The following GALNT18 variants were observed in gnomAD, a reference collection of about 807,000 sequenced individuals.
GALNT18 encodes GalNAc-transferase 18.
Under a neutral mutation model 69.5 loss-of-function variants are expected in GALNT18, and 44 were observed. The ratio of observed to expected loss-of-function variants is 0.63; its 90% confidence interval spans 0.50 to 0.81. The LOEUF (loss-of-function observed/expected upper bound fraction) is 0.81, where lower values mean the gene tolerates loss of function less well. GALNT18 is among the 40% of genes least tolerant of loss of function. The probability of loss-of-function intolerance (pLI) is 0.00; values close to 1 mark genes in which losing one functional copy is unlikely to be tolerated. For synonymous variants in GALNT18, 364 were observed against 318.2 expected (o/e 1.14, Z -1.53); for missense variants, 715 against 810.0 (o/e 0.88, Z 1.42).
intron 1 of GALNT18, among the ~76,000 whole-genome samples, chr11:11,473,737 A>T (rs7395203): frequency 6.6e-6 from 1 of 152,214 alleles, no homozygotes; most frequent in African/African-American, 2.4e-5. Flanking sequence ...CACCTATTGC[A>T]TGTCAGGCAC....
chr11:11,333,075 T>C (rs1319597386), intron 7 of GALNT18, among the ~76,000 whole-genome samples: 1 of 134,716 alleles, frequency 7.4e-6, no homozygotes, highest in African/African-American at 2.7e-5. Context: ...AAAAAAAAGA[T>C]GCCAAATCCT....
intron 1 of GALNT18, among the ~76,000 whole-genome samples, chr11:11,561,390 T>C (rs1858502367): frequency 6.6e-6 from 1 of 151,992 alleles, no homozygotes; most frequent in African/African-American, 2.4e-5. Flanking sequence ...TGAAATCATA[T>C]AATTTTGGAT....
rs186697756 is a variant in GALNT18, at chr11:11,566,011, G to C, written c.235+55348C>G. 2.0e-4 allele frequency among the ~76,000 whole-genome samples: 30 copies of C among 152,302 alleles called. No homozygotes were observed. The East Asian group carries it at 5.4e-3, about 27-fold the overall frequency. ...TAGAGCTGGGACCTTACAGGGAATT[G>C]ATGAGAGATATGGATGGAGCATGCA... On this transcript the variant is annotated intron_variant, in intron 1 of 10. Coordinates refer to ENST00000227756, the MANE Select transcript of GALNT18 (RefSeq NM_198516.3).
intron 1 of GALNT18, among the ~76,000 whole-genome samples, chr11:11,531,693 A>C (rs1857652335): frequency 2.0e-5 from 3 of 151,966 alleles, no homozygotes; most frequent in Admixed American, 2.0e-4. Context: ...TCTGGTTCCT[A>C]CCCTACCCTG....
chr11:11,548,013 G>A (rs1858101557), intron 1 of GALNT18, among the ~76,000 whole-genome samples: 1 of 152,146 alleles, frequency 6.6e-6, no homozygotes, highest in Admixed American at 6.5e-5. Flanking sequence ...CCTATCTTCT[G>A]ACTCTGAATT....
At chr11:11,280,946 C>T (rs1314633421) in intron 10 of GALNT18, among the ~76,000 whole-genome samples, 1 of 152,326 alleles carries the variant, frequency 6.6e-6, no homozygotes, top group Admixed American at 6.5e-5. Context: ...GACCATTGCT[C>T]CATGGCCCAC....
At chr11:11,537,548 T>A (rs115793748) in intron 1 of GALNT18, among the ~76,000 whole-genome samples, 1 of 152,246 alleles carries the variant, frequency 6.6e-6, no homozygotes, top group African/African-American at 2.4e-5. Flanking sequence ...GGAGCTTCAC[T>A]GAAGACTACA....
chr11:11,537,009 C>G (rs1488033077), intron 1 of GALNT18, among the ~76,000 whole-genome samples: 3 of 152,244 alleles, frequency 2.0e-5, no homozygotes, highest in Non-Finnish European at 4.4e-5. Context: ...CATTTTTACT[C>G]TGCACAGTGA....
At chr11:11,482,238 G>A (rs560693507) in intron 1 of GALNT18, among the ~76,000 whole-genome samples, 14 of 152,358 alleles carry the variant, frequency 9.2e-5, no homozygotes, top group African/African-American at 1.4e-4. Flanking sequence ...ATGTGCAGTC[G>A]GAGGGGCCTG....
At position 11,469,026 on chromosome 11, in the gene GALNT18, G is replaced by T. The variant is rs1419327473; in HGVS notation, c.236-20090C>A. ...AGATGGCCATACAGCGGTTGCCAGG[G>T]TTTGGTAGGGACAGTGTGTTGGGCA... is the stretch of plus-strand genomic sequence containing the variant. On this transcript the variant is annotated intron_variant, in intron 1 of 10. Transcript: ENST00000227756. This position sits in a 1 kb window ranked among gnomAD's most constrained non-coding sequence, Gnocchi z 4.2. Among the ~76,000 whole-genome samples the T allele has an allele frequency of 6.6e-6, 1 of 152,208 alleles. No homozygotes were observed. Among genetic ancestry groups the T allele is most frequent in the African/African-American group, 2.4e-5 (1 of 41,452 alleles).
Position 11,402,061 on chromosome 11 carries a change from G to A in GALNT18, c.596-22797C>T, listed in dbSNP as rs973115369. On this transcript the variant is annotated intron_variant, in intron 3 of 10. Coordinates refer to ENST00000227756, the MANE Select transcript of GALNT18 (RefSeq NM_198516.3). The surrounding 1 kb of genome is among the most constrained non-coding windows in gnomAD (Gnocchi z 4.0). ...GGAATAGTATGTACCAAAGCAAGAA[G>A]AGATGAAGTAGGCTTACATATTATT... Among the ~76,000 whole-genome samples the A allele has an allele frequency of 3.9e-5, 6 of 152,258 alleles. No homozygotes were observed. The highest frequency in any genetic ancestry group is 5.9e-5 in the Non-Finnish European group (4 of 68,052).
At chr11:11,425,774 A>G (rs550341251) in intron 3 of GALNT18, among the ~76,000 whole-genome samples, 2 of 152,208 alleles carry the variant, frequency 1.3e-5, no homozygotes, top group Admixed American at 6.5e-5. Flanking sequence ...CAAGCCCCCA[A>G]AGTGCTTAGC....
rs1027284883 is a variant in GALNT18 at position 11,465,488 on chromosome 11, T to A, written c.236-16552A>T. 6.6e-6 allele frequency among the ~76,000 whole-genome samples: 1 copy of A among 152,102 alleles called. No homozygotes were observed. The highest frequency in any genetic ancestry group is 1.5e-5 in the Non-Finnish European group (1 of 68,014). ...CTGATCCTGGGGCTCGTGATCCGTATCCATGGCAGCTCAGTAGCCACAGAA... is the reference window on the plus strand; with the variant it reads ...CTGATCCTGGGGCTCGTGATCCGTAACCATGGCAGCTCAGTAGCCACAGAA... On this transcript the variant is annotated intron_variant, in intron 1 of 10. Transcript: ENST00000227756. This position sits in a 1 kb window ranked among gnomAD's most constrained non-coding sequence, Gnocchi z 5.7.
rs1004355535 is a variant in GALNT18, at chr11:11,318,201, T to C, written c.1512+8885A>G. Among the ~76,000 whole-genome samples, 1 of 152,190 alleles carries C rather than the reference T, an allele frequency of 6.6e-6. No individual in the cohort carries two copies. The highest frequency in any genetic ancestry group is 1.5e-5 in the Non-Finnish European group (1 of 68,040). On this transcript the variant is annotated intron_variant, in intron 9 of 10. Transcript: ENST00000227756. The surrounding 1 kb of genome is among the most constrained non-coding windows in gnomAD (Gnocchi z 5.1). ...AGGTTTCCATTTCCACTCTTCCCAT[T>C]TGGAGGTGAACTGGGTTGGATTGTG...
rs1857844095 is a variant in GALNT18 at position 11,538,867 on chromosome 11, C to T, written c.235+82492G>A. Reference sequence around the variant, plus strand: ...TTCCCATCTGCACAGCACTGCCTGGCCTCCCACCCAAACCTTCAGAGATCC... The same window carrying T: ...TTCCCATCTGCACAGCACTGCCTGGTCTCCCACCCAAACCTTCAGAGATCC... On this transcript the variant is annotated intron_variant, in intron 1 of 10. Transcript: ENST00000227756. The surrounding 1 kb of genome is among the most constrained non-coding windows in gnomAD (Gnocchi z 5.2). Among the ~76,000 whole-genome samples the T allele has an allele frequency of 6.6e-6, 1 of 152,144 alleles. No homozygotes were observed. Among genetic ancestry groups the T allele is most frequent in the Non-Finnish European group, 1.5e-5 (1 of 68,022 alleles).
Position 11,586,994 on chromosome 11 carries a change from A to G in GALNT18, c.235+34365T>C, listed in dbSNP as rs1434928802. 6.6e-6 allele frequency among the ~76,000 whole-genome samples: 1 copy of G among 151,600 alleles called. No homozygotes were observed. The highest frequency in any genetic ancestry group is 1.5e-5 in the Non-Finnish European group (1 of 67,912). ...CAAGAGTGAAACCCCATCTCCAAAT[A>G]AATAAATAAATAAATAAATAAACTC... On this transcript the variant is annotated intron_variant, in intron 1 of 10. Coordinates refer to ENST00000227756, the MANE Select transcript of GALNT18 (RefSeq NM_198516.3). The surrounding 1 kb of genome is among the most constrained non-coding windows in gnomAD (Gnocchi z 4.1).
At chr11:11,417,007 G>A (rs769422609) in intron 3 of GALNT18, among the ~76,000 whole-genome samples, 3 of 152,142 alleles carry the variant, frequency 2.0e-5, no homozygotes, top group East Asian at 1.9e-4. Context: ...CAGCCTGGTC[G>A]GCTTTCTCAG....
intron 3 of GALNT18, among the ~76,000 whole-genome samples, chr11:11,381,603 A>C (rs562608614): frequency 6.6e-6 from 1 of 152,328 alleles, no homozygotes; most frequent in South Asian, 2.1e-4. Flanking sequence ...AGCAGGACAC[A>C]GCAAGAGGGA....
At position 11,616,337 on chromosome 11, in the gene GALNT18, T is replaced by G. The variant is rs191933764; in HGVS notation, c.235+5022A>C. On this transcript the variant is annotated intron_variant, in intron 1 of 10. Coordinates refer to ENST00000227756, the MANE Select transcript of GALNT18 (RefSeq NM_198516.3). The surrounding 1 kb of genome is among the most constrained non-coding windows in gnomAD (Gnocchi z 4.4). ...CCAATGCTGGCCAGGCTCCATGACT[T>G]TGGTACAATAAGACACTGTTGGTGG... is the stretch of plus-strand genomic sequence containing the variant. Among the ~76,000 whole-genome samples the G allele has an allele frequency of 1.1e-3, 169 of 152,294 alleles. No individual in the cohort carries two copies. Among genetic ancestry groups the G allele is most frequent in the East Asian group, 3.9e-4 (2 of 5,188 alleles).
Sources: allele counts gnomAD v4.1 joint callset (sites outside exome capture counted in the v4.1 genomes callset), GRCh38; gene constraint gnomAD v4.1.1; non-coding constraint Gnocchi (gnomAD v3.1); transcripts MANE v1.5; gene names NCBI Gene and HGNC (gene_info 2026-07-23, HGNC 2026-07-21).